The following ARB2A variants were observed in gnomAD, a reference collection of about 807,000 sequenced individuals.
ARB2A encodes the protein cotranscriptional regulator ARB2A.
At chr5:93,968,826 C>A in the ARB2A span, among the ~76,000 whole-genome samples, 1 of 151,882 alleles carries the variant, frequency 6.6e-6, no homozygotes, top group African/African-American at 2.4e-5. Context: ...AATTTACTTA[C>A]AGAGGAACAA....
chr5:93,787,311 A>C, the ARB2A span, among the ~76,000 whole-genome samples: 6 of 152,168 alleles, frequency 3.9e-5, no homozygotes, highest in Admixed American at 3.3e-4. Flanking sequence ...GTGTGGTATC[A>C]AGTGTTGGAT....
the ARB2A span, among the ~76,000 whole-genome samples, chr5:93,800,030 G>A: frequency 6.6e-6 from 1 of 151,936 alleles, no homozygotes; most frequent in Non-Finnish European, 1.5e-5. Flanking sequence ...TTTGAAAAAT[G>A]CGAACAGAAA....
the ARB2A span, among the ~76,000 whole-genome samples, chr5:93,626,341 G>A: frequency 1.3e-5 from 2 of 152,148 alleles, no homozygotes; most frequent in Non-Finnish European, 2.9e-5. Context: ...CTGGTAAACA[G>A]TAAAAAGACT....
At chr5:93,793,284 A>C in the ARB2A span, among the ~76,000 whole-genome samples, 2 of 82,374 alleles carry the variant, frequency 2.4e-5, no homozygotes, top group African/African-American at 8.5e-5. Flanking sequence ...AGGGCTTACT[A>C]TGTTGCCCAG....
chr5:93,619,428 G>A, the ARB2A span: 1 of 152,144 alleles, frequency 6.6e-6, no homozygotes, highest in Non-Finnish European at 1.5e-5. Context: ...GATATTAACA[G>A]CTTTAAAACT....
At chr5:93,878,953 G>A in the ARB2A span, among the ~76,000 whole-genome samples, 1 of 152,006 alleles carries the variant, frequency 6.6e-6, no homozygotes, top group Admixed American at 6.6e-5. Flanking sequence ...TTGTGCATCA[G>A]TTTCCAACTA....
the ARB2A span, among the ~76,000 whole-genome samples, chr5:93,800,372 T>C: frequency 6.9e-6 from 1 of 145,232 alleles, no homozygotes; most frequent in Non-Finnish European, 1.5e-5. Context: ...ATGATTTAAC[T>C]GCATATTTTC....
the ARB2A span, among the ~76,000 whole-genome samples, chr5:93,785,834 C>T: frequency 1.3e-5 from 2 of 152,058 alleles, no homozygotes; most frequent in Admixed American, 6.6e-5. Context: ...TAAAATAATA[C>T]TCTAATTTAA....
At chr5:93,883,912 TACACATACACATACAC>T in the ARB2A span, among the ~76,000 whole-genome samples, 2 of 77,610 alleles carry the variant, frequency 2.6e-5, no homozygotes, top group Admixed American at 1.5e-4. Context: ...CATACACACA[TACACATACACATACAC>T]ACACACACAC....
the ARB2A span, among the ~76,000 whole-genome samples, chr5:94,064,254 A>T: frequency 6.6e-5 from 10 of 152,186 alleles, no homozygotes; most frequent in Non-Finnish European, 1.5e-4. Context: ...AAGCAGACCA[A>T]TGCATTTCAG....
the ARB2A span, among the ~76,000 whole-genome samples, chr5:93,849,334 A>C: frequency 6.6e-6 from 1 of 152,204 alleles, no homozygotes; most frequent in Non-Finnish European, 1.5e-5. Context: ...AAAATACAGA[A>C]TGTAAAAAGA....
chr5:93,996,928 C>T, the ARB2A span, among the ~76,000 whole-genome samples: 1 of 151,888 alleles, frequency 6.6e-6, no homozygotes, highest in South Asian at 2.1e-4. Flanking sequence ...GTAGTTGGCT[C>T]AATCAACAAA....
the ARB2A span, among the ~76,000 whole-genome samples, chr5:93,864,259 C>T: frequency 6.6e-5 from 10 of 152,044 alleles, no homozygotes; most frequent in Non-Finnish European, 1.0e-4. Flanking sequence ...TTCTCCTAAA[C>T]AATGAGTGTT....
the ARB2A span, among the ~76,000 whole-genome samples, chr5:94,032,097 T>A: frequency 6.6e-6 from 1 of 152,180 alleles, no homozygotes; most frequent in South Asian, 2.1e-4. Context: ...AGAGAATCCC[T>A]AAAAGAATGC....
At chr5:93,728,750 T>G in the ARB2A span, among the ~76,000 whole-genome samples, 1 of 152,206 alleles carries the variant, frequency 6.6e-6, no homozygotes, top group Non-Finnish European at 1.5e-5. Context: ...TTAGGCTATT[T>G]GACATAAGTC....
At chr5:93,702,290 T>G in the ARB2A span, among the ~76,000 whole-genome samples, 2 of 152,140 alleles carry the variant, frequency 1.3e-5, no homozygotes, top group African/African-American at 4.8e-5. Context: ...ATGAAGAGAC[T>G]AAGGTCCTAA....
At chr5:93,821,203 T>A in the ARB2A span, among the ~76,000 whole-genome samples, 2 of 152,272 alleles carry the variant, frequency 1.3e-5, no homozygotes, top group Middle Eastern at 3.4e-3. Flanking sequence ...TTTTTTGAAA[T>A]TCATGACATA....
chr5:93,978,217 GAACT>G, the ARB2A span, among the ~76,000 whole-genome samples: 1 of 152,068 alleles, frequency 6.6e-6, no homozygotes, highest in East Asian at 1.9e-4. Flanking sequence ...ATTTCTGAAA[GAACT>G]AAAAATGGAC....
the ARB2A span, among the ~76,000 whole-genome samples, chr5:93,784,967 C>T: frequency 2.0e-5 from 3 of 152,208 alleles, no homozygotes; most frequent in African/African-American, 7.2e-5. Context: ...CTAGCCTGCT[C>T]TTCACCATGG....
Sources: gnomAD v4.1 joint callset for allele counts (sites outside exome capture counted in the v4.1 genomes callset) on GRCh38, gnomAD v4.1.1 for gene constraint, MANE v1.5 for transcripts, NCBI Gene and HGNC (gene_info 2026-07-23, HGNC 2026-07-21) for gene names.